PDZRN3: variants seen among roughly 807,000 people sequenced by gnomAD.
The protein encoded by PDZRN3 is E3 ubiquitin-protein ligase PDZRN3.
A neutral mutation model predicts 85.7 loss-of-function variants in PDZRN3; 38 were observed. The ratio of observed to expected loss-of-function variants is 0.44; its 90% CI spans 0.34 to 0.58. The LOEUF (loss-of-function observed/expected upper bound fraction) is 0.58, where lower values mean the gene tolerates loss of function less well. Among genes scored for constraint, PDZRN3 ranks in the 20% least tolerant of loss-of-function variants. PDZRN3 has a pLI of 0.01. For synonymous variants in PDZRN3, 759 were observed against 638.0 expected (o/e 1.19, Z -2.86); for missense variants, 1,629 against 1,506.4 (o/e 1.08, Z -1.35).
At chr3:73,560,858 A>G (rs188157902) in intron 3 of PDZRN3, among the ~76,000 whole-genome samples, 2 of 152,342 alleles carry the variant, frequency 1.3e-5, no homozygotes, top group East Asian at 3.9e-4. Context: ...CAGGTGACTG[A>G]CAATGAGTCA....
chr3:73,398,242 T>C (rs1260959961), intron 5 of PDZRN3, among the ~76,000 whole-genome samples: 2 of 152,156 alleles, frequency 1.3e-5, no homozygotes, highest in Non-Finnish European at 2.9e-5. Flanking sequence ...CCTGATAATG[T>C]TACACTGCAG....
intron 3 of PDZRN3, among the ~76,000 whole-genome samples, chr3:73,480,070 G>T (rs1703532480): frequency 6.6e-6 from 1 of 152,156 alleles, no homozygotes; most frequent in Admixed American, 6.5e-5. Flanking sequence ...CCTTGGGGTA[G>T]GACCTGAGGC....
At chr3:73,403,327 T>A (rs1409551656) in intron 4 of PDZRN3, among the ~76,000 whole-genome samples, 1 of 152,192 alleles carries the variant, frequency 6.6e-6, no homozygotes, top group African/African-American at 2.4e-5. Flanking sequence ...TTGCTCTTCA[T>A]TTTTTCCTGA....
chr3:73,554,674 GA>G (rs1318811127), intron 3 of PDZRN3, among the ~76,000 whole-genome samples: 3 of 151,884 alleles, frequency 2.0e-5, no homozygotes, highest in Non-Finnish European at 4.4e-5. Context: ...AAAGGTAAGA[GA>G]AAAAAAATAA....
intron 7 of PDZRN3, 61 bp from the exon 8 acceptor site, chr3:73,388,130 C>T: frequency 2.6e-6 from 2 of 782,048 alleles, no homozygotes. Flanking sequence ...TTAGATGGTG[C>T]AAAATCATTC....
intron 3 of PDZRN3, among the ~76,000 whole-genome samples, chr3:73,513,002 C>A (rs888948126): frequency 2.4e-4 from 36 of 152,118 alleles, no homozygotes; most frequent in African/African-American, 8.2e-4. Flanking sequence ...ATGATTTACA[C>A]ACACACACAA....
chr3:73,484,471 G>C (rs12330578), intron 3 of PDZRN3, among the ~76,000 whole-genome samples: 88,825 of 152,008 alleles, frequency 0.58, 26,665 homozygotes, highest in East Asian at 0.85. Context: ...AGAACTGACA[G>C]TATGTGTTGG....
intron 4 of PDZRN3, chr3:73,401,988 C>T (rs180873846): frequency 1.3e-5 from 2 of 152,324 alleles, no homozygotes; most frequent in Admixed American, 1.3e-4. Context: ...CTGGACCCAT[C>T]AGGCAAATAT....
chr3:73,450,622 G>T (rs1179522508), intron 3 of PDZRN3, among the ~76,000 whole-genome samples: 2 of 152,196 alleles, frequency 1.3e-5, no homozygotes, highest in Non-Finnish European at 2.9e-5. Flanking sequence ...TAGCTTGTGT[G>T]ATTTTCCAAA....
intron 5 of PDZRN3, among the ~76,000 whole-genome samples, chr3:73,396,257 AGGGATG>A: frequency 6.6e-6 from 1 of 152,168 alleles, no homozygotes; most frequent in Admixed American, 6.5e-5. Flanking sequence ...CTGGTGGCAT[AGGGATG>A]CTTCAGAGAG....
intron 3 of PDZRN3, chr3:73,433,563 C>G: frequency 1.1e-6 from 1 of 944,226 alleles, no homozygotes; most frequent in African/African-American, 1.6e-5. Context: ...TAAAAATCCC[C>G]ACTACCTTTC....
At chr3:73,511,152 T>C (rs1243204364) in intron 3 of PDZRN3, among the ~76,000 whole-genome samples, 3 of 152,204 alleles carry the variant, frequency 2.0e-5, no homozygotes, top group Non-Finnish European at 4.4e-5. Flanking sequence ...CATTTCTCTT[T>C]CATGCTTTTC....
intron 3 of PDZRN3, among the ~76,000 whole-genome samples, chr3:73,409,695 G>A (rs1575631293): frequency 6.6e-6 from 1 of 152,036 alleles, no homozygotes; most frequent in Non-Finnish European, 1.5e-5. Context: ...TGGTTTTCAC[G>A]GTCTACTTAG....
At chr3:73,452,541 G>A (rs1032628469) in intron 3 of PDZRN3, among the ~76,000 whole-genome samples, 1 of 152,152 alleles carries the variant, frequency 6.6e-6, no homozygotes, top group Non-Finnish European at 1.5e-5. Flanking sequence ...CTTTCACAGG[G>A]AACAAGATGT....
At chr3:73,619,437 G>C (rs1702816720) in intron 1 of PDZRN3, among the ~76,000 whole-genome samples, 2 of 152,220 alleles carry the variant, frequency 1.3e-5, no homozygotes, top group Admixed American at 6.5e-5. Flanking sequence ...AGGTCCGAGA[G>C]GCCTGGCTTC....
rs533722707 is a variant in PDZRN3, at chr3:73,427,997, T to C, written c.919-23602A>G. ...CATTTAAGCTGAGCTCAAAGATGAA[T>C]TGGTGAACTAACTTACAGGCAGAAA... On this transcript the variant is annotated intron_variant, in intron 3 of 9. Transcript: ENST00000263666. Among the ~76,000 whole-genome samples, 8 of 151,970 alleles carry C rather than the reference T, an allele frequency of 5.3e-5. No individual in the cohort carries two copies. The South Asian group carries it at 6.3e-4, about 12-fold the overall frequency.
chr3:73,572,792 T>TA lies in PDZRN3; in HGVS notation c.918+29561dup, dbSNP rs926903602. On this transcript the variant is annotated intron_variant, in intron 3 of 9. Coordinates refer to ENST00000263666, the MANE Select transcript of PDZRN3 (RefSeq NM_015009.3). ...CAAGAGTGCCCCCTCCCTTTTTCAA[T>TA]AAAAAAATGCAGATTCCCTCCTGCA... Among the ~76,000 whole-genome samples, 8 of 152,152 alleles carry TA rather than the reference T, an allele frequency of 5.3e-5. No individual in the cohort carries two copies. In the East Asian group the frequency reaches 7.7e-4, roughly 15 times the overall value.
intron 3 of PDZRN3, among the ~76,000 whole-genome samples, chr3:73,458,120 C>T (rs763283125): frequency 2.6e-5 from 4 of 152,094 alleles, no homozygotes; most frequent in Non-Finnish European, 4.4e-5. Flanking sequence ...TTCTTTTTCT[C>T]CCTTGAAGGA....
chr3:73,452,794 T>C (rs925505161), intron 3 of PDZRN3, among the ~76,000 whole-genome samples: 2 of 151,504 alleles, frequency 1.3e-5, no homozygotes, highest in Admixed American at 1.3e-4. Flanking sequence ...TTTTAAGATA[T>C]TCATGAGGCA....
Sources: gnomAD v4.1 joint callset for allele counts (sites outside exome capture counted in the v4.1 genomes callset) on GRCh38, gnomAD v4.1.1 for gene constraint, MANE v1.5 for transcripts, NCBI Gene and HGNC (gene_info 2026-07-23, HGNC 2026-07-21) for gene names.